NDUFAF6: variants seen among roughly 807,000 people sequenced by gnomAD.
The protein encoded by NDUFAF6 is NADH:ubiquinone oxidoreductase complex assembly factor 6, also known as NADH dehydrogenase (ubiquinone) complex I, assembly factor 6.
In NDUFAF6, 45 loss-of-function variants were observed where a neutral mutation model predicts 40.8. That is an observed-to-expected ratio of 1.10 (90% CI 0.87 to 1.42). The LOEUF (loss-of-function observed/expected upper bound fraction) is 1.42. Among genes scored for constraint, NDUFAF6 ranks in the 40% most tolerant of loss-of-function variants. The probability of loss-of-function intolerance (pLI) is 0.00; values close to 1 mark genes in which losing one functional copy is unlikely to be tolerated. For synonymous variants in NDUFAF6, 185 were observed against 155.9 expected (o/e 1.19, Z -1.39); for missense variants, 435 against 418.5 (o/e 1.04, Z -0.34).
At chr8:94,989,981 TG>T (rs1826123681) in intron 2 of NDUFAF6, among the ~76,000 whole-genome samples, 1 of 152,198 alleles carries the variant, frequency 6.6e-6, no homozygotes, top group African/African-American at 2.4e-5. Flanking sequence ...CCGCCTGCCT[TG>T]GCTTCTCAAA....
At position 94,921,634 on chromosome 8, in the gene NDUFAF6, CCTTCT is replaced by C. The variant is rs146928514; in HGVS notation, c.-935-23846_-935-23842del. On this transcript the variant is annotated intron_variant, in intron 1 of 14. Transcript: ENST00000396113. ...CTTCTGGCCAATGCTCTATACAATG[CCTTCT>C]CTACTCTCTTCAAGATCCATAACAC... Among the ~76,000 whole-genome samples, 1,116 of 152,262 alleles carry C rather than the reference CCTTCT, an allele frequency of 7.3e-3. 6 individuals are homozygous for C. Among genetic ancestry groups the C allele is most frequent in the African/African-American group, 0.026 (1,063 of 41,550 alleles).
chr8:94,964,222 G>A (rs181870642), intron 1 of NDUFAF6, among the ~76,000 whole-genome samples: 1 of 152,166 alleles, frequency 6.6e-6, no homozygotes, highest in Non-Finnish European at 1.5e-5. Context: ...GAGCCTAGGA[G>A]TTTGAGACCG....
chr8:94,988,881 T>A (rs1826063890), intron 2 of NDUFAF6: 2 of 152,254 alleles, frequency 1.3e-5, no homozygotes, highest in Non-Finnish European at 2.9e-5. Flanking sequence ...ACATGTGCTA[T>A]AATGTGGATG....
chr8:94,999,710 C>G (rs750812203), intron 2 of NDUFAF6, among the ~76,000 whole-genome samples: 3 of 152,220 alleles, frequency 2.0e-5, no homozygotes, highest in Admixed American at 6.5e-5. Flanking sequence ...AGCCACCACA[C>G]CGGGCCCATT....
chr8:95,080,306 T>TTTTTTGGTAGTGTATTTTTGTAGTGA (rs1808788551), downstream of NDUFAF6, among the ~76,000 whole-genome samples: 1 of 64,000 alleles, frequency 1.6e-5, no homozygotes, highest in Admixed American at 2.0e-4. Flanking sequence ...TTTGTAGTGA[T>TTTTTTGGTAGTGTATTTTTGTAGTGA]TTTTTGGTAG....
intron 1 of NDUFAF6, among the ~76,000 whole-genome samples, chr8:94,931,477 CTA>C (rs67638412): frequency 0.012 from 1,796 of 152,196 alleles, 22 homozygotes; most frequent in Non-Finnish European, 0.016. Flanking sequence ...TTGCTGTAAA[CTA>C]TGTCAACACG....
intron 2 of NDUFAF6, among the ~76,000 whole-genome samples, chr8:94,997,341 CACAG>C (rs1406522341): frequency 0.01 from 919 of 91,834 alleles, 7 homozygotes; most frequent in Non-Finnish European, 0.015. Context: ...CACACACACA[CACAG>C]AGAGAGAGAG....
At chr8:95,012,163 A>G (rs1827251229) in intron 2 of NDUFAF6, among the ~76,000 whole-genome samples, 1 of 152,102 alleles carries the variant, frequency 6.6e-6, no homozygotes, top group Admixed American at 6.6e-5. Context: ...TTTTATTTTA[A>G]TTTGCATTTC....
Position 95,057,789 on chromosome 8 carries a change from C to A in NDUFAF6, c.874-20C>A. ...CTTGATCATTTTATGATCTGGTGAT[C>A]ACTATTCTCTTTTTTCCAGGTTTCT... On this transcript the variant is annotated intron_variant, in intron 8 of 8. Transcript: ENST00000396124. 2 of 1,575,482 alleles carry A rather than the reference C, an allele frequency of 1.3e-6. No individual in the cohort carries two copies. The highest frequency in any genetic ancestry group is 1.1e-5 in the South Asian group (1 of 89,108).
intron 1 of NDUFAF6, among the ~76,000 whole-genome samples, chr8:94,934,403 TG>T (rs1443227837): frequency 6.6e-6 from 1 of 151,328 alleles, no homozygotes; most frequent in Non-Finnish European, 1.5e-5. Flanking sequence ...TTTTTTTTTT[TG>T]AGACAGAGCC....
chr8:94,992,507 T>C (rs1377885879), intron 2 of NDUFAF6, among the ~76,000 whole-genome samples: 1 of 152,064 alleles, frequency 6.6e-6, no homozygotes, highest in Admixed American at 6.6e-5. Context: ...AAAAATGACA[T>C]GTTAAAAAAG....
At chr8:94,973,739 G>C (rs1824681392) in intron 1 of NDUFAF6, among the ~76,000 whole-genome samples, 1 of 150,928 alleles carries the variant, frequency 6.6e-6, no homozygotes, top group South Asian at 2.1e-4. Flanking sequence ...GTGACCTTTG[G>C]CCAGACGTGG....
intron 2 of NDUFAF6, among the ~76,000 whole-genome samples, chr8:95,101,956 G>C (rs148331832): frequency 6.6e-6 from 1 of 152,092 alleles, no homozygotes; most frequent in African/African-American, 2.4e-5. Context: ...GCAGCCACGT[G>C]ATCATTTGAA....
At chr8:95,009,663 T>C (rs919516784) in intron 2 of NDUFAF6, among the ~76,000 whole-genome samples, 1 of 152,152 alleles carries the variant, frequency 6.6e-6, no homozygotes, top group Admixed American at 6.5e-5. Context: ...GAAAGTAGAT[T>C]AATGAAGGTT....
intron 2 of NDUFAF6, among the ~76,000 whole-genome samples, chr8:94,993,681 T>C (rs905327766): frequency 6.6e-6 from 1 of 152,240 alleles, no homozygotes; most frequent in African/African-American, 2.4e-5. Flanking sequence ...ACCATCCAGC[T>C]GTTCTTGCCA....
intron 2 of NDUFAF6, among the ~76,000 whole-genome samples, chr8:95,016,699 G>A (rs1318872605): frequency 2.6e-5 from 4 of 152,076 alleles, no homozygotes; most frequent in Non-Finnish European, 5.9e-5. Flanking sequence ...CTGAGATTGC[G>A]CCATTGCACT....
intron 2 of NDUFAF6, among the ~76,000 whole-genome samples, chr8:94,992,964 A>G (rs927278694): frequency 6.6e-6 from 1 of 152,202 alleles, no homozygotes; most frequent in Non-Finnish European, 1.5e-5. Context: ...CTGCCTCTGT[A>G]AGTGTATTAG....
At chr8:94,923,681 CTTTTT>C (rs34801186) in intron 1 of NDUFAF6, among the ~76,000 whole-genome samples, 3 of 139,900 alleles carry the variant, frequency 2.1e-5, no homozygotes, top group Non-Finnish European at 4.7e-5. Flanking sequence ...CTGAATTTTA[CTTTTT>C]TTTTTTTTTT....
intron 1 of NDUFAF6, among the ~76,000 whole-genome samples, chr8:94,922,387 T>C (rs941366385): frequency 6.6e-6 from 1 of 151,940 alleles, no homozygotes; most frequent in African/African-American, 2.4e-5. Context: ...GCCTAGCTGC[T>C]CATGGCTCTT....
Sources: gnomAD v4.1 joint callset for allele counts (sites outside exome capture counted in the v4.1 genomes callset) on GRCh38, gnomAD v4.1.1 for gene constraint, MANE v1.5 for transcripts, NCBI Gene and HGNC (gene_info 2026-07-23, HGNC 2026-07-21) for gene names.